Variants in KALRN observed in about 807,000 individuals in gnomAD.
KALRN encodes kalirin.
In KALRN, 70 loss-of-function variants were observed where a neutral mutation model predicts 353.7. The observed-to-expected ratio is 0.20, with a 90% confidence interval of 0.16 to 0.24. The LOEUF (loss-of-function observed/expected upper bound fraction) is 0.24, where lower values mean the gene tolerates loss of function less well. Among genes scored for constraint, KALRN ranks in the 10% least tolerant of loss-of-function variants. KALRN has a pLI of 1.00. For synonymous variants in KALRN, 1,391 were observed against 1,434.8 expected (o/e 0.97, Z 0.69); for missense variants, 2,791 against 3,756.7 (o/e 0.74, Z 6.72).
At chr3:124,201,924 G>A (rs1291542150) in intron 1 of KALRN, among the ~76,000 whole-genome samples, 4 of 152,188 alleles carry the variant, frequency 2.6e-5, no homozygotes. Context: ...TGCTGAAAAC[G>A]AGGCTCATGC....
intron 33 of KALRN, among the ~76,000 whole-genome samples, chr3:124,549,697 C>T (rs1270902281): frequency 6.6e-6 from 1 of 151,962 alleles, no homozygotes; most frequent in African/African-American, 2.4e-5. Flanking sequence ...CAAAATTAGT[C>T]CCAGGAAGGG....
At chr3:124,614,957 T>C (rs1022304713) in intron 34 of KALRN, among the ~76,000 whole-genome samples, 5 of 152,232 alleles carry the variant, frequency 3.3e-5, no homozygotes, top group African/African-American at 9.6e-5. Context: ...GGAAATTGTT[T>C]CATGAATGGA....
chr3:124,693,909 G>A lies in KALRN; in HGVS notation c.7405+78G>A. 3 of 1,000,116 alleles carry A rather than the reference G, an allele frequency of 3.0e-6. No homozygotes were observed. In the East Asian group the frequency reaches 7.3e-5, roughly 24 times the overall value. The allele number at this position is 1,000,116 out of a possible 1,614,324, so 62.0% of individuals were successfully genotyped here. On this transcript the variant is annotated intron_variant, in intron 52 of 59. Coordinates refer to ENST00000682506, the MANE Select transcript of KALRN (RefSeq NM_001388419.1). ...TAGTTAATCCAGCACTAAAGCACTG[G>A]CTGTAAGCAATGGTGATATAGTTCT...
At chr3:124,388,566 C>G (rs1009963076) in intron 11 of KALRN, among the ~76,000 whole-genome samples, 1 of 152,050 alleles carries the variant, frequency 6.6e-6, no homozygotes, top group Non-Finnish European at 1.5e-5. Context: ...CAATGGGAAG[C>G]TAGTCTCTCC....
rs146417177 is a variant in KALRN, at chr3:124,306,074, T to C, written c.1092+7161T>C. Among the ~76,000 whole-genome samples, 118 of 152,158 alleles carry C rather than the reference T, an allele frequency of 7.8e-4. 1 individual carries two copies. The highest frequency in any genetic ancestry group is 2.7e-3 in the African/African-American group (112 of 41,522). ...CACAGAATATCAGTAAAGACATTAT[T>C]ATTATTATTATTTATTTTGAAATAG... is the stretch of plus-strand genomic sequence containing the variant. On this transcript the variant is annotated intron_variant, in intron 6 of 59. Coordinates refer to ENST00000682506, the MANE Select transcript of KALRN (RefSeq NM_001388419.1).
chr3:124,444,860 T>C (rs1053332920), intron 19 of KALRN, among the ~76,000 whole-genome samples: 3 of 150,608 alleles, frequency 2.0e-5, no homozygotes, highest in Non-Finnish European at 4.4e-5. Flanking sequence ...AAAAAAGCAC[T>C]TAGCCTAAAA....
intron 23 of KALRN, among the ~76,000 whole-genome samples, chr3:124,458,304 C>G (rs2059535276): frequency 1.4e-5 from 2 of 141,932 alleles, no homozygotes. Flanking sequence ...AAAGAGAATG[C>G]TCTCCTTTCT....
chr3:124,238,886 A>G (rs78909672), intron 3 of KALRN, among the ~76,000 whole-genome samples: 2,235 of 152,236 alleles, frequency 0.015, 28 homozygotes, highest in Middle Eastern at 0.058. Flanking sequence ...CTCCTAGGTC[A>G]CTCAGGTTTT....
At chr3:124,262,554 G>T (rs890845150) in intron 3 of KALRN, among the ~76,000 whole-genome samples, 1 of 152,182 alleles carries the variant, frequency 6.6e-6, no homozygotes, top group African/African-American at 2.4e-5. Flanking sequence ...CCTTTCCTTT[G>T]GGATGCAGGA....
intron 9 of KALRN, among the ~76,000 whole-genome samples, chr3:124,335,568 T>G (rs1011151306): frequency 6.6e-6 from 1 of 151,970 alleles, no homozygotes; most frequent in African/African-American, 2.4e-5. Context: ...TATACTAGTG[T>G]GGGGGGAGCT....
intron 1 of KALRN, among the ~76,000 whole-genome samples, chr3:124,086,849 A>G (rs1167205354): frequency 1.3e-5 from 2 of 152,222 alleles, no homozygotes; most frequent in Non-Finnish European, 2.9e-5. Flanking sequence ...TGTAAATATA[A>G]GCAAATCAGA....
chr3:124,391,474 A>G (rs558305257), intron 11 of KALRN, among the ~76,000 whole-genome samples: 2 of 152,318 alleles, frequency 1.3e-5, no homozygotes, highest in East Asian at 3.9e-4. Flanking sequence ...TTGACAGAAA[A>G]GATCGTTCTG....
chr3:124,584,815 G>A, intron 34 of KALRN: 1 of 1,601,274 alleles, frequency 6.2e-7, no homozygotes, highest in African/African-American at 1.3e-5. Flanking sequence ...TGGGGCGGCG[G>A]GGCAACATGA....
chr3:124,451,250 G>T (rs1483679614), intron 21 of KALRN, among the ~76,000 whole-genome samples: 2 of 151,862 alleles, frequency 1.3e-5, no homozygotes, highest in African/African-American at 4.8e-5. Flanking sequence ...AAGATAGAAA[G>T]AAAGGGAAGG....
chr3:124,419,484 C>T (rs1326067337), intron 14 of KALRN, among the ~76,000 whole-genome samples: 1 of 152,030 alleles, frequency 6.6e-6, no homozygotes, highest in Non-Finnish European at 1.5e-5. Context: ...TAAGCCTGTT[C>T]TTCCCCCAAG....
intron 25 of KALRN, among the ~76,000 whole-genome samples, chr3:124,467,331 A>G (rs1030443102): frequency 6.6e-5 from 10 of 152,178 alleles, no homozygotes; most frequent in African/African-American, 2.2e-4. Flanking sequence ...AAAGGTGGCT[A>G]GATTGGAGAT....
chr3:124,492,939 A>G, intron 32 of KALRN, 57 bp downstream of exon 32: 2 of 1,587,412 alleles, frequency 1.3e-6, no homozygotes, highest in Middle Eastern at 1.7e-4. Flanking sequence ...GGGTGCGGGA[A>G]TGGGATGAAT....
rs2062970705 is a variant in KALRN at position 124,713,155 on chromosome 3, C to G, written c.8276+20C>G. On this transcript the variant is annotated intron_variant, in intron 58 of 59. Transcript: ENST00000682506. The stretch of plus-strand genomic sequence containing the variant: ...GGAACTGTAAGTACAGACGCCATCT[C>G]TCTAAAGTCGCCTGCATCCATTTAG... 1.3e-6 allele frequency: 2 copies of G among 1,588,406 alleles called. No homozygotes were observed. Among genetic ancestry groups the G allele is most frequent in the African/African-American group, 1.3e-5 (1 of 74,128 alleles).
chr3:124,511,588 C>T (rs561764366), intron 33 of KALRN, among the ~76,000 whole-genome samples: 2 of 152,184 alleles, frequency 1.3e-5, no homozygotes, highest in African/African-American at 4.8e-5. Context: ...AACCACATAG[C>T]ACTTTCTAGG....
Sources: gnomAD v4.1 joint callset for allele counts (sites outside exome capture counted in the v4.1 genomes callset) on GRCh38, gnomAD v4.1.1 for gene constraint, MANE v1.5 for transcripts, NCBI Gene and HGNC (gene_info 2026-07-23, HGNC 2026-07-21) for gene names.